Variants in RIN3 observed in about 807,000 individuals in gnomAD.
The protein encoded by RIN3 is Ras and Rab interactor 3.
In RIN3, 54 loss-of-function variants were observed where a neutral mutation model predicts 76.3. The observed-to-expected ratio is 0.71, with a 90% CI of 0.57 to 0.89. The LOEUF (loss-of-function observed/expected upper bound fraction) is 0.89. RIN3 is among the 40% of genes least tolerant of loss of function. The probability of loss-of-function intolerance (pLI) is 0.00; values close to 1 mark genes in which losing one functional copy is unlikely to be tolerated. For synonymous variants in RIN3, 576 were observed against 564.0 expected, an observed-to-expected ratio of 1.02 and a Z score of -0.30; for missense variants, 1,256 against 1,322.1, an observed-to-expected ratio of 0.95 and a Z score of 0.78.
At chr14:92,553,268 G>A (rs1315124914) in intron 1 of RIN3, among the ~76,000 whole-genome samples, 1 of 152,170 alleles carries the variant, frequency 6.6e-6, no homozygotes, top group Non-Finnish European at 1.5e-5. Flanking sequence ...CCCAAGCAGG[G>A]ATGTTTAAGG....
intron 3 of RIN3, among the ~76,000 whole-genome samples, chr14:92,588,264 G>T (rs1358169048): frequency 9.9e-6 from 1 of 101,402 alleles, no homozygotes; most frequent in African/African-American, 3.9e-5. Flanking sequence ...TTTCGCTCTT[G>T]TTGCCCAGGC....
intron 9 of RIN3, chr14:92,687,127 C>T (rs1390524152): frequency 7.9e-5 from 12 of 152,330 alleles, no homozygotes; most frequent in Non-Finnish European, 1.8e-4. Context: ...AAGGCGAGGC[C>T]GCTCCGGGCC....
At chr14:92,642,079 G>C (rs953638036) in intron 5 of RIN3, among the ~76,000 whole-genome samples, 1 of 151,814 alleles carries the variant, frequency 6.6e-6, no homozygotes, top group Non-Finnish European at 1.5e-5. Flanking sequence ...TGGGAGCAGA[G>C]AATTTTTTTT....
intron 4 of RIN3, among the ~76,000 whole-genome samples, chr14:92,625,845 C>G (rs564770633): frequency 1.2e-4 from 18 of 152,204 alleles, no homozygotes; most frequent in African/African-American, 3.4e-4. Context: ...TTTGTTTTTG[C>G]TTTTCTTAAT....
intron 1 of RIN3, among the ~76,000 whole-genome samples, chr14:92,519,221 A>G (rs1460303713): frequency 1.3e-5 from 2 of 152,232 alleles, no homozygotes; most frequent in African/African-American, 2.4e-5. Context: ...AGACCCATCC[A>G]GGAGACTTTT....
At chr14:92,529,168 A>G (rs766024112) in intron 1 of RIN3, among the ~76,000 whole-genome samples, 3 of 152,170 alleles carry the variant, frequency 2.0e-5, no homozygotes, top group Non-Finnish European at 4.4e-5. Flanking sequence ...CTTACAGTCA[A>G]TTCTCATTGT....
At position 92,681,437 on chromosome 14, in the gene RIN3, T is replaced by C. The variant is rs1215613216; in HGVS notation, c.2468-3550T>C. ...AGGCCTCATAGCCACCATGCGTTAT[T>C]CACACATTCCGAAGCCCTGTACTTT... On this transcript the variant is annotated intron_variant, in intron 8 of 9. Coordinates refer to ENST00000216487, the MANE Select transcript of RIN3 (RefSeq NM_024832.5). This position sits in a 1 kb window ranked among gnomAD's most constrained non-coding sequence, Gnocchi z 4.7. 1.3e-5 allele frequency among the ~76,000 whole-genome samples: 2 copies of C among 152,206 alleles called. No individual in the cohort carries two copies. Among genetic ancestry groups the C allele is most frequent in the Non-Finnish European group, 2.9e-5 (2 of 68,036 alleles).
chr14:92,651,663 C>G lies in RIN3; in HGVS notation c.614C>G (p.Pro205Arg). 1.2e-6 allele frequency: 2 copies of G among 1,613,986 alleles called. No individual in the cohort carries two copies. Among genetic ancestry groups the G allele is most frequent in the Non-Finnish European group, 8.5e-7 (1 of 1,179,922 alleles). The stretch of plus-strand genomic sequence containing the variant: ...CCAAGAGACCGGGCCCCCGGATTCC[C>G]CCTAGTCTCCAGCCTCAGGCCCACA... ...EPPRDRAPGFPLVSSLRPTAH... is the reference protein window; with the variant it reads ...EPPRDRAPGFRLVSSLRPTAH... The change falls in exon 6 of 10, where the codon CCC becomes CGC. Residue 205 changes from proline to arginine, a missense_variant. Pro to Arg is a moderately radical substitution (Grantham distance 103). This residue lies in a region of RIN3 where 610 missense variants were observed against 626.4 expected (regional missense o/e 0.97). Transcript: ENST00000216487.
chr14:92,535,039 G>A (rs1053017733), intron 1 of RIN3, among the ~76,000 whole-genome samples: 1 of 152,232 alleles, frequency 6.6e-6, no homozygotes, highest in East Asian at 1.9e-4. Flanking sequence ...TCCTCCCCAG[G>A]CCTTGGTAGT....
Position 92,555,780 on chromosome 14 carries a change from A to G in RIN3, c.74A>G (p.Glu25Gly). The change falls in exon 2 of 10, where the codon GAA (glutamate) becomes GGA (glycine). Residue 25 changes from glutamate to glycine, a missense_variant. Transcript: ENST00000216487. The stretch of plus-strand genomic sequence containing the variant: ...GTTCCAGTTGTTGGCAAAGGAGAGG[A>G]AGAGGAAGAGGAAGATGGCATGCGG... ...GPVPVVGKGE[E>G]EEEEDGMRLC... is the part of the protein sequence containing the mutation. 3.1e-6 allele frequency: 5 copies of G among 1,611,844 alleles called. No homozygotes were observed. The highest frequency in any genetic ancestry group is 4.2e-6 in the Non-Finnish European group (5 of 1,179,692).
rs777065367 is a variant in RIN3, at chr14:92,681,771, C to G, written c.2468-3216C>G. On this transcript the variant is annotated intron_variant, in intron 8 of 9. Coordinates refer to ENST00000216487, the MANE Select transcript of RIN3 (RefSeq NM_024832.5). This position sits in a 1 kb window ranked among gnomAD's most constrained non-coding sequence, Gnocchi z 4.7. ...GACTTCCTGGCCTGGGGCTTTAAACCTAACTTAAAATGGAGATACGTAAGT... is the reference window on the plus strand; with the variant it reads ...GACTTCCTGGCCTGGGGCTTTAAACGTAACTTAAAATGGAGATACGTAAGT... Among the ~76,000 whole-genome samples the G allele has an allele frequency of 2.4e-4, 36 of 152,234 alleles. No individual in the cohort carries two copies. The highest frequency in any genetic ancestry group is 4.0e-4 in the Non-Finnish European group (27 of 68,040).
At position 92,656,776 on chromosome 14, in the gene RIN3, G is replaced by A. The variant is rs770432656; in HGVS notation, c.2027-2385G>A. On this transcript the variant is annotated intron_variant, in intron 6 of 9. Transcript: ENST00000216487. This position sits in a 1 kb window ranked among gnomAD's most constrained non-coding sequence, Gnocchi z 5.2. ...TGGAGAGAAGGGCCCTTCAGCCTTT[G>A]GGAACAGGGTCAGCATCCACAGCAA... 1.6e-4 allele frequency among the ~76,000 whole-genome samples: 25 copies of A among 152,322 alleles called. No individual in the cohort carries two copies. Among genetic ancestry groups the A allele is most frequent in the African/African-American group, 1.9e-4 (8 of 41,582 alleles).
At chr14:92,609,335 T>C (rs568299538) in intron 3 of RIN3, among the ~76,000 whole-genome samples, 2 of 152,190 alleles carry the variant, frequency 1.3e-5, no homozygotes, top group Non-Finnish European at 2.9e-5. Flanking sequence ...GCTTCCTTTC[T>C]TCTGAGCCAG....
chr14:92,525,511 AAG>A lies in RIN3; in HGVS notation c.44+11538_44+11539del, dbSNP rs1342881315. On this transcript the variant is annotated intron_variant, in intron 1 of 9. Coordinates refer to ENST00000216487, the MANE Select transcript of RIN3 (RefSeq NM_024832.5). Reference sequence around the variant, plus strand: ...GTTAATATATGGTGTGTTGATGCCAAAGAGGGGGGTGAAAGGGAAGTGCCCAG... The same window carrying A: ...GTTAATATATGGTGTGTTGATGCCAAAGGGGGGTGAAAGGGAAGTGCCCAG... 1.3e-4 allele frequency among the ~76,000 whole-genome samples: 19 copies of A among 151,952 alleles called. 1 individual carries two copies. Among genetic ancestry groups the A allele is most frequent in the Admixed American group, 1.2e-3 (19 of 15,254 alleles).
At chr14:92,632,479 C>T (rs1344973637) in intron 4 of RIN3, among the ~76,000 whole-genome samples, 1 of 152,178 alleles carries the variant, frequency 6.6e-6, no homozygotes, top group Non-Finnish European at 1.5e-5. Context: ...AGGGGTTTAG[C>T]AGAGCGCCTG....
At position 92,648,979 on chromosome 14, in the gene RIN3, A is replaced by G. The variant is rs1249405764; in HGVS notation, c.533-2603A>G. ...TGGTGGGGCAGCGCATGGCACGTGG[A>G]GGAAGGAGTGAACGGCAGATAGAGT... On this transcript the variant is annotated intron_variant, in intron 5 of 9. Coordinates refer to ENST00000216487, the MANE Select transcript of RIN3 (RefSeq NM_024832.5). The surrounding 1 kb of genome is among the most constrained non-coding windows in gnomAD (Gnocchi z 4.1). Among the ~76,000 whole-genome samples, 1 of 152,194 alleles carries G rather than the reference A, an allele frequency of 6.6e-6. No individual in the cohort carries two copies. The highest frequency in any genetic ancestry group is 1.5e-5 in the Non-Finnish European group (1 of 68,024).
intron 5 of RIN3, among the ~76,000 whole-genome samples, chr14:92,647,366 A>G (rs897216282): frequency 1.3e-5 from 2 of 152,262 alleles, no homozygotes; most frequent in African/African-American, 4.8e-5. Context: ...GGAGCAATTC[A>G]GCCCTCAACT....
chr14:92,629,951 C>T (rs1251717642), intron 4 of RIN3, among the ~76,000 whole-genome samples: 1 of 152,230 alleles, frequency 6.6e-6, no homozygotes, highest in Non-Finnish European at 1.5e-5. Flanking sequence ...CCTCCTGGCC[C>T]TTGGTATGTT....
intron 1 of RIN3, among the ~76,000 whole-genome samples, chr14:92,519,448 G>C (rs560659588): frequency 6.6e-6 from 1 of 152,288 alleles, no homozygotes; most frequent in Admixed American, 6.5e-5. Flanking sequence ...GTAGCCTCTC[G>C]AGGGTGGCTG....
Sources: gnomAD v4.1 joint callset for allele counts (sites outside exome capture counted in the v4.1 genomes callset) on GRCh38, gnomAD v4.1.1 for gene constraint, gnomAD v4.1.1 regional missense constraint, Gnocchi (gnomAD v3.1) non-coding constraint, MANE v1.5 for transcripts, NCBI Gene and HGNC (gene_info 2026-07-23, HGNC 2026-07-21) for gene names.